The following KIF26B variants were observed in gnomAD, a reference collection of about 807,000 sequenced individuals.
KIF26B encodes kinesin-like protein KIF26B.
In KIF26B, 63 loss-of-function variants were observed where a neutral mutation model predicts 151.2. That is an observed-to-expected ratio of 0.42 (90% CI 0.34 to 0.51). The LOEUF (loss-of-function observed/expected upper bound fraction) is 0.51, where lower values mean the gene tolerates loss of function less well. Ranked by LOEUF, KIF26B falls within the 20% of genes least tolerant of loss-of-function variation. The probability of loss-of-function intolerance (pLI) is 0.07; values close to 1 mark genes in which losing one functional copy is unlikely to be tolerated. For synonymous variants in KIF26B, 1,357 were observed against 1,262.1 expected, an observed-to-expected ratio of 1.08 and a Z score of -1.59; for missense variants, 2,813 against 2,913.6, an observed-to-expected ratio of 0.97 and a Z score of 0.79.
At chr1:245,623,475 C>T (rs546267336) in intron 9 of KIF26B, among the ~76,000 whole-genome samples, 16 of 152,224 alleles carry the variant, frequency 1.1e-4, no homozygotes, top group African/African-American at 2.2e-4. Context: ...CACAGTTGGC[C>T]GATCCATTCA....
intron 2 of KIF26B, among the ~76,000 whole-genome samples, chr1:245,229,776 A>C (rs1378271272): frequency 6.6e-6 from 1 of 152,160 alleles, no homozygotes; most frequent in Non-Finnish European, 1.5e-5. Flanking sequence ...AATTTCTGTT[A>C]TTTTCCAAAT....
At chr1:245,542,395 G>A (rs1227131307) in intron 5 of KIF26B, among the ~76,000 whole-genome samples, 3 of 152,254 alleles carry the variant, frequency 2.0e-5, no homozygotes, top group Non-Finnish European at 4.4e-5. Flanking sequence ...CTGAGGGGAA[G>A]CATCCAGTCC....
Position 245,688,052 on chromosome 1 carries a change from C to T in KIF26B, c.5069C>T (p.Ser1690Phe). 6.4e-7 allele frequency: 1 copy of T among 1,553,642 alleles called. No individual in the cohort carries two copies. Among genetic ancestry groups the T allele is most frequent in the Admixed American group, 1.9e-5 (1 of 51,638 alleles). Reference sequence around the variant, plus strand: ...CTGGAGCGGGCCGAGAGCCTGTCCTCCGTGAGCTCCCGGCTGCACGCGGGC... The same window carrying T: ...CTGGAGCGGGCCGAGAGCCTGTCCTTCGTGAGCTCCCGGCTGCACGCGGGC... ...LSLERAESLSSVSSRLHAGKD... is the reference protein window; with the variant it reads ...LSLERAESLSFVSSRLHAGKD... Residue 1690 changes from serine to phenylalanine, a missense_variant, in exon 12 of 15, where the codon TCC becomes TTC. Ser to Phe is a radical substitution (Grantham distance 155, BLOSUM62 -2). This residue lies in a region of KIF26B where 2,060 missense variants were observed against 2,088.6 expected (regional missense o/e 0.99). Transcript: ENST00000407071.
At chr1:245,271,077 C>T (rs1195795078) in intron 2 of KIF26B, among the ~76,000 whole-genome samples, 2 of 152,180 alleles carry the variant, frequency 1.3e-5, no homozygotes, top group African/African-American at 4.8e-5. Flanking sequence ...TGTGGGTTTA[C>T]TTCTGATCTC....
intron 2 of KIF26B, among the ~76,000 whole-genome samples, chr1:245,345,075 T>A (rs767534469): frequency 2.0e-5 from 3 of 152,212 alleles, no homozygotes; most frequent in Non-Finnish European, 4.4e-5. Context: ...AAGGGTAAAT[T>A]TTCTTCTCTT....
chr1:245,659,661 A>G (rs1392850740), intron 10 of KIF26B, among the ~76,000 whole-genome samples: 1 of 152,188 alleles, frequency 6.6e-6, no homozygotes, highest in Non-Finnish European at 1.5e-5. Context: ...AGGACAGAGG[A>G]AAAAATGTGC....
chr1:245,677,491 A>G (rs2044370908), intron 10 of KIF26B, among the ~76,000 whole-genome samples: 1 of 152,268 alleles, frequency 6.6e-6, no homozygotes, highest in African/African-American at 2.4e-5. Flanking sequence ...TCTGAAATTG[A>G]GCAGCAAGTA....
At position 245,177,668 on chromosome 1, in the gene KIF26B, GTGTGTGT is replaced by G. The variant is rs1668834370; in HGVS notation, c.465+20986_465+20992del. Among the ~76,000 whole-genome samples the G allele has an allele frequency of 2.1e-4, 12 of 57,608 alleles. No homozygotes were observed. In the South Asian group the frequency reaches 6.7e-3, roughly 32 times the overall value. The allele number at this position is 57,608 out of a possible 152,430, so 37.8% of individuals were successfully genotyped here. A position where few individuals can be genotyped will look rare whatever the true frequency, so the allele number is the denominator to read the frequency against. On this transcript the variant is annotated intron_variant, in intron 2 of 14. Transcript: ENST00000407071. ...TTTGATTTTACTTGTCCTTAGGGGTGTGTGTGTGTGTGTGTGTGTGTGTGTGTCTTTC... is the reference window on the plus strand; with the variant it reads ...TTTGATTTTACTTGTCCTTAGGGGTGGTGTGTGTGTGTGTGTGTGTCTTTC...
Position 245,167,625 on chromosome 1 carries a change from G to T in KIF26B, c.465+10942G>T, listed in dbSNP as rs999975372. On this transcript the variant is annotated intron_variant, in intron 2 of 14. Coordinates refer to ENST00000407071, the MANE Select transcript of KIF26B (RefSeq NM_018012.4). This position sits in a 1 kb window ranked among gnomAD's most constrained non-coding sequence, Gnocchi z 4.2. ...CAAATGGTTGTACAGAAAATAAACA[G>T]CTGAATTCAGGCAAACAACTGGAAG... Among the ~76,000 whole-genome samples the T allele has an allele frequency of 2.0e-5, 3 of 152,054 alleles. No individual in the cohort carries two copies. Among genetic ancestry groups the T allele is most frequent in the Admixed American group, 6.6e-5 (1 of 15,258 alleles).
In KIF26B at chr1:245,688,422, G is replaced by C; in HGVS notation, c.5439G>C (p.Gln1813His). ...AVSGRISELLQGGAGARGLQL... is the reference protein window; with the variant it reads ...AVSGRISELLHGGAGARGLQL... ...GCGGGCGCATCTCGGAGCTGCTGCA[G>C]GGTGGCGCGGGCGCCCGGGGCTTGC... Residue 1813 changes from glutamine to histidine, a missense_variant, in exon 12 of 15, where the codon CAG becomes CAC. By Grantham distance (24) the Gln-to-His change is conservative. This residue lies in a region of KIF26B where 2,060 missense variants were observed against 2,088.6 expected (regional missense o/e 0.99). Coordinates refer to ENST00000407071, the MANE Select transcript of KIF26B (RefSeq NM_018012.4). 1 of 1,431,302 alleles carries C rather than the reference G, an allele frequency of 7.0e-7. No individual in the cohort carries two copies. Among genetic ancestry groups the C allele is most frequent in the Non-Finnish European group, 9.1e-7 (1 of 1,098,818 alleles). 88.7% of individuals were successfully genotyped at this position (1,431,302 alleles called of 1,614,324 possible). A position where few individuals can be genotyped will look rare whatever the true frequency, so the allele number is the denominator to read the frequency against.
intron 4 of KIF26B, among the ~76,000 whole-genome samples, chr1:245,463,557 G>C (rs1329087905): frequency 6.6e-6 from 1 of 152,204 alleles, no homozygotes; most frequent in Non-Finnish European, 1.5e-5. Flanking sequence ...TCGTTGGGAA[G>C]TGCAGAGGTC....
At chr1:245,580,497 T>C (rs1214789541) in intron 5 of KIF26B, among the ~76,000 whole-genome samples, 2 of 152,210 alleles carry the variant, frequency 1.3e-5, no homozygotes, top group Non-Finnish European at 2.9e-5. Context: ...AGTGCCAGGA[T>C]GGCCTAGGTC....
chr1:245,649,475 G>T (rs560234507), intron 10 of KIF26B, among the ~76,000 whole-genome samples: 14 of 152,170 alleles, frequency 9.2e-5, no homozygotes, highest in Non-Finnish European at 1.8e-4. Flanking sequence ...GATCAATTCC[G>T]TCAGTGCTCT....
chr1:245,445,646 G>T (rs1300621517), intron 4 of KIF26B, among the ~76,000 whole-genome samples: 1 of 152,212 alleles, frequency 6.6e-6, no homozygotes, highest in Non-Finnish European at 1.5e-5. Context: ...TAGATCATAA[G>T]CATAGTGTAT....
At chr1:245,257,943 A>G (rs545933959) in intron 2 of KIF26B, among the ~76,000 whole-genome samples, 1 of 152,070 alleles carries the variant, frequency 6.6e-6, no homozygotes, top group African/African-American at 2.4e-5. Flanking sequence ...AATTGCTTGA[A>G]CCGGGAAGGC....
At chr1:245,695,044 T>C (rs1456053691) in intron 12 of KIF26B, among the ~76,000 whole-genome samples, 1 of 152,104 alleles carries the variant, frequency 6.6e-6, no homozygotes, top group African/African-American at 2.4e-5. Context: ...CCCCTGTACC[T>C]TTCTTAGAGC....
intron 10 of KIF26B, among the ~76,000 whole-genome samples, chr1:245,649,639 AC>A (rs2043993155): frequency 6.6e-6 from 1 of 152,124 alleles, no homozygotes; most frequent in African/African-American, 2.4e-5. Context: ...GGCGGGGGGA[AC>A]AAAAATAGAA....
rs551503381 is a variant in KIF26B, at chr1:245,548,531, C to T, written c.1350+7581C>T. Among the ~76,000 whole-genome samples, 104 of 152,294 alleles carry T rather than the reference C, an allele frequency of 6.8e-4. 1 individual carries two copies. In the South Asian group the frequency reaches 0.021, roughly 30 times the overall value. ...GCAAAGAGGAAACAGTGTCCACATT[C>T]CTCACTGAGGAATTTTCTCGAAGAC... On this transcript the variant is annotated intron_variant, in intron 5 of 14. Transcript: ENST00000407071.
rs140664205 is a variant in KIF26B, at chr1:245,402,016, G to A, written c.1000-17563G>A. Among the ~76,000 whole-genome samples, 195 of 152,262 alleles carry A rather than the reference G, an allele frequency of 1.3e-3. 2 individuals are homozygous for A. The East Asian group carries it at 0.028, about 22-fold the overall frequency. ...AGAGAGAGTCAGTGCTTGCAGGGCTGGGGCTCCTGGCCTGTGGGTAAGGAG... is the reference window on the plus strand; with the variant it reads ...AGAGAGAGTCAGTGCTTGCAGGGCTAGGGCTCCTGGCCTGTGGGTAAGGAG... On this transcript the variant is annotated intron_variant, in intron 3 of 14. Coordinates refer to ENST00000407071, the MANE Select transcript of KIF26B (RefSeq NM_018012.4).
Sources: allele counts gnomAD v4.1 joint callset (sites outside exome capture counted in the v4.1 genomes callset), GRCh38; gene constraint gnomAD v4.1.1; regional missense constraint gnomAD v4.1.1; non-coding constraint Gnocchi (gnomAD v3.1); transcripts MANE v1.5; gene names NCBI Gene and HGNC (gene_info 2026-07-23, HGNC 2026-07-21).